ADGRB3: variants seen among roughly 807,000 people sequenced by gnomAD.
The protein encoded by ADGRB3 is brain-specific angiogenesis inhibitor 3.
ADGRB3 carries 37 observed loss-of-function variants against 193.4 expected under a neutral mutation model. The ratio of observed to expected loss-of-function variants is 0.19; its 90% CI spans 0.15 to 0.25. ADGRB3 has a LOEUF of 0.25. ADGRB3 is among the 10% of genes least tolerant of loss of function. ADGRB3 has a pLI of 1.00. For synonymous variants in ADGRB3, 690 were observed against 644.2 expected (o/e 1.07, Z -1.08); for missense variants, 1,637 against 1,852.9 (o/e 0.88, Z 2.14).
intron 17 of ADGRB3, among the ~76,000 whole-genome samples, chr6:69,117,280 G>A (rs1431484363): frequency 2.0e-5 from 3 of 152,102 alleles, no homozygotes; most frequent in Non-Finnish European, 4.4e-5. Flanking sequence ...GTCAATAGAA[G>A]TTCTACAAGT....
intron 13 of ADGRB3, among the ~76,000 whole-genome samples, chr6:69,031,362 ACCC>A: frequency 6.8e-6 from 1 of 147,584 alleles, no homozygotes; most frequent in Non-Finnish European, 1.5e-5. Flanking sequence ...AATGATGTGA[ACCC>A]GGGATGCAGA....
chr6:68,788,026 C>G (rs1274111087), intron 3 of ADGRB3, among the ~76,000 whole-genome samples: 1 of 152,032 alleles, frequency 6.6e-6, no homozygotes, highest in Non-Finnish European at 1.5e-5. Context: ...TTTATTGCGT[C>G]TATTTGATTT....
intron 17 of ADGRB3, among the ~76,000 whole-genome samples, chr6:69,110,541 A>T (rs1404074092): frequency 6.6e-6 from 1 of 152,224 alleles, no homozygotes; most frequent in Non-Finnish European, 1.5e-5. Context: ...TATAGAATTT[A>T]TTTGGATAAT....
At chr6:69,327,064 A>T (rs1768590147) in intron 21 of ADGRB3, among the ~76,000 whole-genome samples, 1 of 152,124 alleles carries the variant, frequency 6.6e-6, no homozygotes, top group Non-Finnish European at 1.5e-5. Flanking sequence ...GACAGAGGAC[A>T]TACAATAAAA....
chr6:68,802,698 T>C (rs1767335122), intron 3 of ADGRB3, among the ~76,000 whole-genome samples: 2 of 151,902 alleles, frequency 1.3e-5, no homozygotes, highest in African/African-American at 4.8e-5. Context: ...GTAGATAAAT[T>C]GTGTTAAGTT....
At chr6:69,321,830 A>T in intron 20 of ADGRB3, among the ~76,000 whole-genome samples, 1 of 151,846 alleles carries the variant, frequency 6.6e-6, no homozygotes, top group Non-Finnish European at 1.5e-5. Context: ...TAGAAAAATC[A>T]GTGTGTGTTT....
At chr6:69,176,166 G>C (rs1364234928) in intron 17 of ADGRB3, among the ~76,000 whole-genome samples, 1 of 152,054 alleles carries the variant, frequency 6.6e-6, no homozygotes, top group East Asian at 1.9e-4. Context: ...AGTACTTCCA[G>C]CACTATGTTG....
chr6:68,918,579 A>T (rs1766944202), intron 3 of ADGRB3, among the ~76,000 whole-genome samples: 1 of 152,220 alleles, frequency 6.6e-6, no homozygotes, highest in African/African-American at 2.4e-5. Context: ...ATAAATTTTT[A>T]AACACACACT....
At chr6:68,917,044 A>G (rs1766901298) in intron 3 of ADGRB3, among the ~76,000 whole-genome samples, 1 of 152,188 alleles carries the variant, frequency 6.6e-6, no homozygotes, top group Non-Finnish European at 1.5e-5. Flanking sequence ...GGAGACCATT[A>G]CATTGGTCCA....
chr6:68,736,437 A>C (rs575757703), intron 3 of ADGRB3, among the ~76,000 whole-genome samples: 4 of 152,186 alleles, frequency 2.6e-5, no homozygotes, highest in African/African-American at 9.6e-5. Flanking sequence ...ATGTCAGTTG[A>C]CAGCAAGGTT....
chr6:68,951,348 G>T (rs569826437), intron 6 of ADGRB3, among the ~76,000 whole-genome samples: 15 of 152,064 alleles, frequency 9.9e-5, no homozygotes, highest in Non-Finnish European at 1.3e-4. Context: ...CTCTAATATC[G>T]TCGTCTCCTG....
At chr6:68,775,077 A>G (rs1187662848) in intron 3 of ADGRB3, among the ~76,000 whole-genome samples, 1 of 145,232 alleles carries the variant, frequency 6.9e-6, no homozygotes, top group Non-Finnish European at 1.5e-5. Flanking sequence ...GATAAGAAGA[A>G]CCTTTCTTGT....
intron 3 of ADGRB3, among the ~76,000 whole-genome samples, chr6:68,754,464 C>T (rs1766262106): frequency 6.6e-6 from 1 of 152,132 alleles, no homozygotes; most frequent in Non-Finnish European, 1.5e-5. Flanking sequence ...AATAGCTCTG[C>T]CTTTTGATTG....
chr6:69,064,414 G>GA (rs1771839182), intron 16 of ADGRB3, among the ~76,000 whole-genome samples: 1 of 151,532 alleles, frequency 6.6e-6, no homozygotes, highest in Admixed American at 6.6e-5. Flanking sequence ...TTGTCAAAAT[G>GA]TGACCATACT....
chr6:69,179,767 T>A (rs1256332962), intron 17 of ADGRB3, among the ~76,000 whole-genome samples: 1 of 152,228 alleles, frequency 6.6e-6, no homozygotes, highest in Non-Finnish European at 1.5e-5. Context: ...TATGTACTTC[T>A]GTCAGCAGGT....
intron 3 of ADGRB3, among the ~76,000 whole-genome samples, chr6:68,884,735 CAT>C (rs1765857267): frequency 6.6e-6 from 1 of 152,078 alleles, no homozygotes; most frequent in Admixed American, 6.6e-5. Context: ...ATACACAAAA[CAT>C]AAGATGCTGA....
intron 17 of ADGRB3, among the ~76,000 whole-genome samples, chr6:69,083,608 T>A (rs1239400947): frequency 1.3e-5 from 2 of 152,116 alleles, no homozygotes; most frequent in Non-Finnish European, 2.9e-5. Flanking sequence ...TGAGAATAAG[T>A]AATGCCATTT....
At chr6:68,671,293 T>A (rs1768953040) in intron 3 of ADGRB3, among the ~76,000 whole-genome samples, 1 of 152,030 alleles carries the variant, frequency 6.6e-6, no homozygotes, top group South Asian at 2.1e-4. Flanking sequence ...AATACTATGT[T>A]GAATAACAGT....
intron 25 of ADGRB3, among the ~76,000 whole-genome samples, 155 bp from the exon 26 acceptor site, chr6:69,339,178 A>T (rs3737019): frequency 0.038 from 5,683 of 149,506 alleles, 177 homozygotes; most frequent in Admixed American, 0.097. Context: ...ATAGTATATA[A>T]AAAAAAAAAT....
Sources: allele counts gnomAD v4.1 joint callset (sites outside exome capture counted in the v4.1 genomes callset), GRCh38; gene constraint gnomAD v4.1.1; transcripts MANE v1.5; gene names NCBI Gene and HGNC (gene_info 2026-07-23, HGNC 2026-07-21).